Variants in GRM7 observed in about 807,000 individuals in gnomAD.
The protein encoded by GRM7 is metabotropic glutamate receptor 7.
Under a neutral mutation model 84.5 loss-of-function variants are expected in GRM7, and 35 were observed. The observed-to-expected ratio is 0.41, with a 90% CI of 0.32 to 0.55. The LOEUF (loss-of-function observed/expected upper bound fraction) is 0.55. Among genes scored for constraint, GRM7 ranks in the 20% least tolerant of loss-of-function variants. The probability of loss-of-function intolerance (pLI) is 0.19; values close to 1 mark genes in which losing one functional copy is unlikely to be tolerated. For synonymous variants in GRM7, 487 were observed against 455.1 expected (o/e 1.07, Z -0.89); for missense variants, 1,003 against 1,194.6 (o/e 0.84, Z 2.36).
At chr3:7,215,958 A>G (rs558487051) in intron 2 of GRM7, among the ~76,000 whole-genome samples, 5 of 152,324 alleles carry the variant, frequency 3.3e-5, no homozygotes, top group African/African-American at 1.2e-4. Flanking sequence ...CTTCCTGGCA[A>G]AGATACCCCA....
intron 2 of GRM7, among the ~76,000 whole-genome samples, chr3:7,162,049 T>C (rs1020808490): frequency 2.0e-5 from 3 of 152,148 alleles, no homozygotes; most frequent in African/African-American, 7.2e-5. Flanking sequence ...GAACAACTAA[T>C]TGGATGGTGA....
In GRM7 at chr3:7,157,764, T is replaced by G. The variant is rs1694500546; in HGVS notation, c.736+11096T>G. Among the ~76,000 whole-genome samples the G allele has an allele frequency of 2.0e-5, 3 of 152,000 alleles. No individual in the cohort carries two copies. In the South Asian group the frequency reaches 6.2e-4, roughly 32 times the overall value. On this transcript the variant is annotated intron_variant, in intron 2 of 9. Transcript: ENST00000357716. Reference sequence around the variant, plus strand: ...CAAATTCCTCCAAGCACCCTGTGGATTTTTGATAATGGCAGTAGGCAAACA... The same window carrying G: ...CAAATTCCTCCAAGCACCCTGTGGAGTTTTGATAATGGCAGTAGGCAAACA...
intron 8 of GRM7, among the ~76,000 whole-genome samples, chr3:7,630,120 T>A (rs548869935): frequency 3.9e-5 from 6 of 152,288 alleles, no homozygotes; most frequent in African/African-American, 1.4e-4. Context: ...TTTGATACTC[T>A]GCATATATTT....
intron 7 of GRM7, among the ~76,000 whole-genome samples, chr3:7,521,640 A>T (rs1278379638): frequency 6.6e-6 from 1 of 152,174 alleles, no homozygotes; most frequent in Non-Finnish European, 1.5e-5. Context: ...CTAATGGACT[A>T]AGACAATCAT....
intron 5 of GRM7, among the ~76,000 whole-genome samples, chr3:7,442,903 G>A (rs144011925): frequency 1.3e-5 from 2 of 152,022 alleles, no homozygotes; most frequent in African/African-American, 2.4e-5. Context: ...GAGTGTCTCT[G>A]TCTGGTACAT....
intron 9 of GRM7, among the ~76,000 whole-genome samples, chr3:7,734,545 T>G (rs1702438495): frequency 6.6e-6 from 1 of 152,164 alleles, no homozygotes. Context: ...GAAATCCAGA[T>G]TTGGGAGTTT....
At chr3:7,449,162 G>A (rs997554970) in intron 5 of GRM7, among the ~76,000 whole-genome samples, 12 of 152,036 alleles carry the variant, frequency 7.9e-5, no homozygotes, top group African/African-American at 2.2e-4. Flanking sequence ...CAGCCACAAC[G>A]TAGCAAAAAA....
At chr3:7,522,656 T>C (rs987036688) in intron 7 of GRM7, among the ~76,000 whole-genome samples, 1 of 152,220 alleles carries the variant, frequency 6.6e-6, no homozygotes, top group African/African-American at 2.4e-5. Context: ...TCAAGTTCAT[T>C]TCTCCAGATT....
At chr3:6,980,330 C>CA (rs1332541964) in intron 1 of GRM7, among the ~76,000 whole-genome samples, 14 of 152,022 alleles carry the variant, frequency 9.2e-5, no homozygotes, top group Non-Finnish European at 1.2e-4. Context: ...ATCTTCTCTC[C>CA]AAAAAATGTA....
chr3:6,901,165 T>G (rs962551965), intron 1 of GRM7, among the ~76,000 whole-genome samples: 1 of 152,192 alleles, frequency 6.6e-6, no homozygotes, highest in Admixed American at 6.5e-5. Context: ...TAATGACAGA[T>G]GCCAAAATAT....
chr3:7,385,944 CA>C (rs1302153823), intron 4 of GRM7, among the ~76,000 whole-genome samples: 1 of 152,148 alleles, frequency 6.6e-6, no homozygotes, highest in African/African-American at 2.4e-5. Context: ...CATACTGAAA[CA>C]AAGTGTTGAC....
intron 1 of GRM7, among the ~76,000 whole-genome samples, chr3:7,031,382 A>C (rs1696176499): frequency 6.6e-6 from 1 of 151,500 alleles, no homozygotes; most frequent in Admixed American, 6.6e-5. Flanking sequence ...CTGGACTCCA[A>C]ATACTTTTTT....
chr3:7,445,800 G>C (rs538472851), intron 5 of GRM7, among the ~76,000 whole-genome samples: 1 of 152,114 alleles, frequency 6.6e-6, no homozygotes, highest in Non-Finnish European at 1.5e-5. Context: ...ACAATACCCA[G>C]TTGACAGAGT....
chr3:6,995,240 T>C (rs921100846), intron 1 of GRM7, among the ~76,000 whole-genome samples: 3 of 152,246 alleles, frequency 2.0e-5, no homozygotes, highest in African/African-American at 7.2e-5. Flanking sequence ...AGGCAGGATA[T>C]TAAATATTTT....
Position 7,136,911 on chromosome 3 carries a change from C to A in GRM7, c.520-9541C>A, listed in dbSNP as rs73122333. The stretch of plus-strand genomic sequence containing the variant: ...TAATTGTTTAATTAGAACTGTGGCA[C>A]TTGTTACCAAAGAAAACTACCATGT... On this transcript the variant is annotated intron_variant, in intron 1 of 9. Coordinates refer to ENST00000357716, the MANE Select transcript of GRM7 (RefSeq NM_000844.4). Among the ~76,000 whole-genome samples, 743 of 152,200 alleles carry A rather than the reference C, an allele frequency of 4.9e-3. 6 individuals are homozygous for A. Among genetic ancestry groups the A allele is most frequent in the African/African-American group, 0.017 (716 of 41,560 alleles).
At chr3:6,915,241 A>G (rs1390482939) in intron 1 of GRM7, among the ~76,000 whole-genome samples, 1 of 152,168 alleles carries the variant, frequency 6.6e-6, no homozygotes, top group African/African-American at 2.4e-5. Context: ...AATTCTTTTG[A>G]AAGTTTTATT....
intron 1 of GRM7, among the ~76,000 whole-genome samples, chr3:7,122,804 T>G (rs530683469): frequency 6.6e-6 from 1 of 152,308 alleles, no homozygotes; most frequent in South Asian, 2.1e-4. Flanking sequence ...CACAAATAAC[T>G]TTTCAAAAAG....
chr3:7,339,807 T>C (rs539593815), intron 4 of GRM7, among the ~76,000 whole-genome samples: 13 of 152,226 alleles, frequency 8.5e-5, no homozygotes, highest in African/African-American at 2.9e-4. Flanking sequence ...AAATGGATGG[T>C]TGAATTGTTT....
chr3:7,573,212 C>A (rs747742283), intron 7 of GRM7, among the ~76,000 whole-genome samples: 4 of 151,568 alleles, frequency 2.6e-5, no homozygotes, highest in Non-Finnish European at 4.4e-5. Flanking sequence ...TTTTTTCTAT[C>A]AATTAGATAG....
Sources: gnomAD v4.1 joint callset for allele counts (sites outside exome capture counted in the v4.1 genomes callset) on GRCh38, gnomAD v4.1.1 for gene constraint, MANE v1.5 for transcripts, NCBI Gene and HGNC (gene_info 2026-07-23, HGNC 2026-07-21) for gene names.